EPRS1: variants seen among roughly 807,000 people sequenced by gnomAD.
EPRS1 encodes bifunctional glutamate/proline--tRNA ligase.
In EPRS1, 107 loss-of-function variants were observed where a neutral mutation model predicts 188.3. The observed-to-expected ratio is 0.57, with a 90% CI of 0.49 to 0.67. The LOEUF (loss-of-function observed/expected upper bound fraction) is 0.67. Ranked by LOEUF, EPRS1 falls within the 30% of genes least tolerant of loss-of-function variation. The pLI, the probability that EPRS1 is intolerant of heterozygous loss-of-function variation, is 0.00. For missense variants in EPRS1, 1,577 were observed against 1,802.2 expected, an observed-to-expected ratio of 0.88 and a Z score of 2.26; for synonymous variants, 596 against 593.1, an observed-to-expected ratio of 1.00 and a Z score of -0.07.
At chr1:220,002,109 T>C (rs892461381) in intron 16 of EPRS1, among the ~76,000 whole-genome samples, 24 of 151,710 alleles carry the variant, frequency 1.6e-4, no homozygotes, top group Non-Finnish European at 3.5e-4. Flanking sequence ...GCAGGTGGAT[T>C]ACCTGAGGTC....
intron 29 of EPRS1, 104 bp downstream of exon 29, chr1:219,973,134 G>C (rs1660701251): frequency 5.5e-6 from 5 of 908,390 alleles, no homozygotes; most frequent in Non-Finnish European, 6.9e-6. Context: ...CAGAGGGAGG[G>C]AACAATTGCT....
chr1:220,000,753 G>A (rs1343617312), intron 17 of EPRS1, among the ~76,000 whole-genome samples: 1 of 152,160 alleles, frequency 6.6e-6, no homozygotes, highest in Non-Finnish European at 1.5e-5. Context: ...GGCCGAGGTG[G>A]GAGTTTCACC....
At chr1:219,979,754 TATAAGC>T in intron 26 of EPRS1, 139 bp from the exon 27 acceptor site, 2 of 646,472 alleles carry the variant, frequency 3.1e-6, no homozygotes, top group East Asian at 5.5e-5. Context: ...GGTTTTTAAT[TATAAGC>T]ATAATTACCA....
At position 220,010,581 on chromosome 1, in the gene EPRS1, G is replaced by A. The variant is rs149085198; in HGVS notation, c.1605+365C>T. On this transcript the variant is annotated intron_variant, in intron 13 of 31. Transcript: ENST00000366923. The stretch of plus-strand genomic sequence containing the variant: ...AATTCCAGCACTTTGGGAGGCCGAC[G>A]CAGGCAGATCACGAGGTCAGGAGAT... 8.7e-4 allele frequency among the ~76,000 whole-genome samples: 133 copies of A among 152,226 alleles called. 1 individual carries two copies. In the East Asian group the frequency reaches 0.02, roughly 22 times the overall value.
chr1:220,017,050 TA>T (rs1223526658), intron 12 of EPRS1, among the ~76,000 whole-genome samples: 1 of 151,752 alleles, frequency 6.6e-6, no homozygotes, highest in East Asian at 1.9e-4. Context: ...CCATCTCTAC[TA>T]AAAATACAAA....
At chr1:220,028,516 T>C (rs916904315) in intron 6 of EPRS1, among the ~76,000 whole-genome samples, 2 of 152,090 alleles carry the variant, frequency 1.3e-5, no homozygotes, top group African/African-American at 4.8e-5. Flanking sequence ...TTAGAACTGA[T>C]GCTGAATTGG....
intron 13 of EPRS1, among the ~76,000 whole-genome samples, chr1:220,008,911 A>G (rs1032893250): frequency 2.6e-5 from 4 of 152,122 alleles, no homozygotes; most frequent in African/African-American, 9.7e-5. Context: ...CCTGGCCTCA[A>G]ATGATCTTCC....
At chr1:219,987,117 A>C (rs368153427) in intron 20 of EPRS1, 25 bp downstream of exon 20, 121 of 1,587,368 alleles carry the variant, frequency 7.6e-5, no homozygotes, top group Admixed American at 9.4e-5. Flanking sequence ...GCTTTGCTTC[A>C]AATGAAGTTT....
chr1:220,046,163 G>T (rs772140442), intron 1 of EPRS1, among the ~76,000 whole-genome samples, 180 bp downstream of exon 1: 1 of 152,152 alleles, frequency 6.6e-6, no homozygotes, highest in Non-Finnish European at 1.5e-5. Flanking sequence ...AGATGCACCT[G>T]CCGGGGACAC....
rs12069364 is a variant in EPRS1, at chr1:219,988,421, T to C, written c.2775+169A>G. Among the ~76,000 whole-genome samples the C allele has an allele frequency of 6.0e-3, 905 of 152,076 alleles. 13 individuals are homozygous for C. Among genetic ancestry groups the C allele is most frequent in the African/African-American group, 0.02 (847 of 41,508 alleles). ...ATGAAAACATCCAATCAAATCTAGT[T>C]GGCGTAAGAAACAATCAACAAAGTT... On this transcript the variant is annotated intron_variant, in intron 19 of 31. Coordinates refer to ENST00000366923, the MANE Select transcript of EPRS1 (RefSeq NM_004446.3).
At chr1:220,035,611 T>G (rs1662162500) in intron 2 of EPRS1, among the ~76,000 whole-genome samples, 1 of 152,082 alleles carries the variant, frequency 6.6e-6, no homozygotes, top group African/African-American at 2.4e-5. Context: ...GGCAGATCAC[T>G]TGAGGTCAGG....
Position 220,001,062 on chromosome 1 carries a change from C to T in EPRS1, c.2181+76G>A, listed in dbSNP as rs1048804804. 9 of 838,838 alleles carry T rather than the reference C, an allele frequency of 1.1e-5. No individual in the cohort carries two copies. The African/African-American group carries it at 1.2e-4, about 11-fold the overall frequency. 52.0% of individuals were successfully genotyped at this position (838,838 alleles called of 1,614,324 possible). The stretch of plus-strand genomic sequence containing the variant: ...TCTCCACAGTAAGAAAGATAATCAT[C>T]TGTAAAGAAATATATTCTAAACCCT... On this transcript the variant is annotated intron_variant, in intron 17 of 31. Transcript: ENST00000366923.
At position 219,979,491 on chromosome 1, in the gene EPRS1, G is replaced by T; in HGVS notation, c.3836C>A (p.Thr1279Asn). Residue 1279 changes from threonine to asparagine, a missense_variant, in exon 27 of 32, where the codon ACT becomes AAT. Thr to Asn is a moderately conservative substitution (Grantham distance 65). Coordinates refer to ENST00000366923, the MANE Select transcript of EPRS1 (RefSeq NM_004446.3). ...YQNSWGLTTR[T>N]IGVMTMVHGD... is the part of the protein sequence containing the mutation. ...ATGAACCATGGTCATAACACCAATA[G>T]TTCGAGTTGTCAGGCCCCAGGAGTT... 6.2e-7 allele frequency: 1 copy of T among 1,614,030 alleles called. No homozygotes were observed. Among genetic ancestry groups the T allele is most frequent in the Non-Finnish European group, 8.5e-7 (1 of 1,179,962 alleles).
At chr1:220,030,301 T>C (rs1662060273) in intron 6 of EPRS1, 85 bp downstream of exon 6, 1 of 828,224 alleles carries the variant, frequency 1.2e-6, no homozygotes, top group Non-Finnish European at 2.0e-6. Context: ...ATTATTAACC[T>C]ATTAATACTT....
intron 16 of EPRS1, among the ~76,000 whole-genome samples, chr1:220,004,163 G>A (rs1474220692): frequency 2.6e-5 from 4 of 152,116 alleles, no homozygotes; most frequent in East Asian, 1.9e-4. Flanking sequence ...GAGCAGTGAG[G>A]ATTACAGGTG....
At chr1:219,977,260 G>A (rs554180976) in intron 28 of EPRS1, among the ~76,000 whole-genome samples, 4 of 152,210 alleles carry the variant, frequency 2.6e-5, no homozygotes, top group African/African-American at 9.6e-5. Flanking sequence ...GAGGCGTCAA[G>A]TTTAGAACTT....
chr1:220,045,994 T>C (rs1024004272), intron 1 of EPRS1, among the ~76,000 whole-genome samples: 4 of 152,214 alleles, frequency 2.6e-5, no homozygotes, highest in Non-Finnish European at 5.9e-5. Flanking sequence ...TAAAATCTTA[T>C]TTCCACGAGC....
chr1:220,027,198 G>A (rs972328071), intron 6 of EPRS1, among the ~76,000 whole-genome samples: 1 of 152,074 alleles, frequency 6.6e-6, no homozygotes, highest in African/African-American at 2.4e-5. Context: ...GTCGAGGCAG[G>A]TGGATCACGA....
chr1:220,042,815 G>A (rs1662324076), intron 1 of EPRS1, among the ~76,000 whole-genome samples: 2 of 152,040 alleles, frequency 1.3e-5, no homozygotes, highest in Admixed American at 1.3e-4. Context: ...CAGCTACTCG[G>A]GAGGCTGAGG....
Sources: allele counts gnomAD v4.1 joint callset (sites outside exome capture counted in the v4.1 genomes callset), GRCh38; gene constraint gnomAD v4.1.1; transcripts MANE v1.5; gene names NCBI Gene and HGNC (gene_info 2026-07-23, HGNC 2026-07-21).